The following GRAMD1C variants were observed in gnomAD, a reference collection of about 807,000 sequenced individuals.
GRAMD1C encodes protein Aster-C.
A neutral mutation model predicts 97.8 loss-of-function variants in GRAMD1C; 89 were observed. That is an observed-to-expected ratio of 0.91 (90% CI 0.77 to 1.09). GRAMD1C has a LOEUF of 1.09. Ranked by LOEUF, GRAMD1C falls within the 50% of genes least tolerant of loss-of-function variation. The probability of loss-of-function intolerance (pLI) is 0.00; values close to 1 mark genes in which losing one functional copy is unlikely to be tolerated. For synonymous variants in GRAMD1C, 256 were observed against 267.0 expected, an observed-to-expected ratio of 0.96 and a Z score of 0.40; for missense variants, 740 against 766.4, an observed-to-expected ratio of 0.97 and a Z score of 0.41.
At position 113,901,024 on chromosome 3, in the gene GRAMD1C, A is replaced by G; in HGVS notation, c.541-7A>G. 2 of 1,445,462 alleles carry G rather than the reference A, an allele frequency of 1.4e-6. No homozygotes were observed. Among genetic ancestry groups the G allele is most frequent in the East Asian group, 4.5e-5 (2 of 44,006 alleles). The allele number at this position is 1,445,462 out of a possible 1,614,324, so 89.5% of individuals were successfully genotyped here. A position where few individuals can be genotyped will look rare whatever the true frequency, so the allele number is the denominator to read the frequency against. ...CAATGCTCAGTGTAATTTTTCTGTC[A>G]CTTTAGAGCCTGACTAGACAGGAAT... On this transcript the variant is annotated splice_region_variant and splice_polypyrimidine_tract_variant and intron_variant, in intron 6 of 17. Coordinates refer to ENST00000358160, the MANE Select transcript of GRAMD1C (RefSeq NM_017577.5).
chr3:113,872,261 TG>T (rs1934843403), intron 3 of GRAMD1C, among the ~76,000 whole-genome samples: 1 of 152,124 alleles, frequency 6.6e-6, no homozygotes, highest in Admixed American at 6.6e-5. Context: ...AATTTCTATA[TG>T]TATTTAGGAT....
chr3:113,836,272 A>T (rs980355644), upstream of GRAMD1C, among the ~76,000 whole-genome samples: 1 of 152,224 alleles, frequency 6.6e-6, no homozygotes, highest in Non-Finnish European at 1.5e-5. Flanking sequence ...TCAAAAAAAC[A>T]AAAACAAAAC....
intron 2 of GRAMD1C, among the ~76,000 whole-genome samples, chr3:113,856,213 G>C (rs1476148236): frequency 2.0e-5 from 3 of 152,032 alleles, no homozygotes; most frequent in African/African-American, 7.2e-5. Flanking sequence ...TATTCTAATT[G>C]TATCAACCTC....
upstream of GRAMD1C, among the ~76,000 whole-genome samples, chr3:113,834,493 A>T (rs1396919246): frequency 6.6e-6 from 1 of 152,158 alleles, no homozygotes; most frequent in Non-Finnish European, 1.5e-5. Context: ...CACTTCCATT[A>T]TAAGAGTCCT....
chr3:113,830,268 G>A (rs531371384), intron 1 of GRAMD1C, among the ~76,000 whole-genome samples: 7 of 152,162 alleles, frequency 4.6e-5, no homozygotes, highest in South Asian at 2.1e-4. Context: ...CTGTACACGT[G>A]GTGACAAAGA....
intron 7 of GRAMD1C, 64 bp downstream of exon 7, chr3:113,901,210 C>T: frequency 1.2e-6 from 1 of 856,008 alleles, no homozygotes; most frequent in Non-Finnish European, 2.0e-6. Flanking sequence ...AATTATTTTA[C>T]ATTCGACTAA....
chr3:113,926,047 T>C (rs1488323253), intron 10 of GRAMD1C, among the ~76,000 whole-genome samples: 1 of 152,190 alleles, frequency 6.6e-6, no homozygotes, highest in African/African-American at 2.4e-5. Flanking sequence ...GGTTGTCTTG[T>C]ATGTATCTCA....
At chr3:113,912,623 C>G (rs547726414) in intron 9 of GRAMD1C, among the ~76,000 whole-genome samples, 2 of 151,840 alleles carry the variant, frequency 1.3e-5, no homozygotes, top group East Asian at 3.9e-4. Flanking sequence ...GTCCTAGCTA[C>G]GCAGGAGGCT....
At chr3:113,891,020 C>G (rs1032783162) in intron 6 of GRAMD1C, 1 of 397,484 alleles carries the variant, frequency 2.5e-6, no homozygotes, top group African/African-American at 2.0e-5. Context: ...TGTATACACA[C>G]GGAGGTATCA....
intron 10 of GRAMD1C, among the ~76,000 whole-genome samples, chr3:113,927,049 G>A (rs1937253660): frequency 6.6e-6 from 1 of 152,120 alleles, no homozygotes; most frequent in South Asian, 2.1e-4. Flanking sequence ...GGCTGGGGCA[G>A]GGGCGCTGGT....
chr3:113,861,966 A>T (rs541011695), intron 2 of GRAMD1C, among the ~76,000 whole-genome samples: 1 of 152,312 alleles, frequency 6.6e-6, no homozygotes, highest in Admixed American at 6.5e-5. Context: ...GAGCCGTAAA[A>T]CCAGCAAGTT....
intron 3 of GRAMD1C, 72 bp from the exon 4 acceptor site, chr3:113,875,412 G>A: frequency 1.4e-6 from 1 of 726,836 alleles, no homozygotes. Flanking sequence ...TCCATCTGTT[G>A]AAATATAGTA....
chr3:113,930,219 A>G (rs559332259), intron 10 of GRAMD1C, among the ~76,000 whole-genome samples: 13 of 152,336 alleles, frequency 8.5e-5, no homozygotes, highest in Admixed American at 4.6e-4. Context: ...TAAAGATTTT[A>G]GCAGACAAGC....
chr3:113,851,201 G>C (rs772138781), intron 2 of GRAMD1C, among the ~76,000 whole-genome samples: 17 of 152,120 alleles, frequency 1.1e-4, no homozygotes, highest in Non-Finnish European at 2.2e-4. Flanking sequence ...AGTTTACTCA[G>C]GGGTCCTTTG....
intron 11 of GRAMD1C, 144 bp from the exon 12 acceptor site, chr3:113,933,367 T>G (rs6438175): frequency 3.5e-6 from 2 of 566,712 alleles, no homozygotes; most frequent in Non-Finnish European, 6.1e-6. Context: ...AGAGTCAGCA[T>G]GTAGGCTCTT....
intron 9 of GRAMD1C, among the ~76,000 whole-genome samples, chr3:113,911,699 C>CCTTCCTTCCTTCCTTCCTTCTTTCT (rs1553723618): frequency 6.9e-5 from 5 of 72,672 alleles, no homozygotes; most frequent in African/African-American, 4.0e-4. Context: ...CTGTTTCTTT[C>CCTTCCTTCCTTCCTTCCTTCTTTCT]CTTCCTTCCT....
chr3:113,924,923 A>G (rs1175739682), intron 10 of GRAMD1C, among the ~76,000 whole-genome samples: 1 of 152,192 alleles, frequency 6.6e-6, no homozygotes, highest in South Asian at 2.1e-4. Context: ...GTAGGTCTCT[A>G]AGAACTTGTT....
chr3:113,872,718 A>T (rs985858478), intron 3 of GRAMD1C, among the ~76,000 whole-genome samples: 3 of 151,532 alleles, frequency 2.0e-5, no homozygotes, highest in African/African-American at 7.3e-5. Context: ...AAAAAAATCA[A>T]TTGTATTGAA....
chr3:113,842,125 C>T (rs927040950), intron 1 of GRAMD1C, among the ~76,000 whole-genome samples: 12 of 152,304 alleles, frequency 7.9e-5, no homozygotes, highest in South Asian at 2.1e-4. Context: ...ATACCACCAT[C>T]GTGGAGTATT....
Sources: allele counts gnomAD v4.1 joint callset (sites outside exome capture counted in the v4.1 genomes callset), GRCh38; gene constraint gnomAD v4.1.1; transcripts MANE v1.5; gene names NCBI Gene and HGNC (gene_info 2026-07-23, HGNC 2026-07-21).